The following KIF26B variants were observed in gnomAD, a reference collection of about 807,000 sequenced individuals.
KIF26B encodes the protein kinesin family member 26B.
A neutral mutation model predicts 151.2 loss-of-function variants in KIF26B; 63 were observed. The ratio of observed to expected loss-of-function variants is 0.42; its 90% CI spans 0.34 to 0.51. KIF26B has a LOEUF of 0.51. Ranked by LOEUF, KIF26B falls within the 20% of genes least tolerant of loss-of-function variation. The pLI, the probability that KIF26B is intolerant of heterozygous loss-of-function variation, is 0.07. For missense variants in KIF26B, 2,813 were observed against 2,913.6 expected (o/e 0.97, Z 0.79); for synonymous variants, 1,357 against 1,262.1 (o/e 1.08, Z -1.59).
chr1:245,636,882 G>GTA (rs1185481393), intron 9 of KIF26B, among the ~76,000 whole-genome samples: 1 of 151,262 alleles, frequency 6.6e-6, no homozygotes, highest in African/African-American at 2.4e-5. Context: ...GTGTGTGTGT[G>GTA]TATCTATCTC....
At position 245,166,384 on chromosome 1, in the gene KIF26B, G is replaced by A. The variant is rs1316792753; in HGVS notation, c.465+9701G>A. On this transcript the variant is annotated intron_variant, in intron 2 of 14. Coordinates refer to ENST00000407071, the MANE Select transcript of KIF26B (RefSeq NM_018012.4). The surrounding 1 kb of genome is among the most constrained non-coding windows in gnomAD (Gnocchi z 4.5). ...GTCTTTGTTTCTTCACCTCCAAGTG[G>A]ATAAAGCATCTCATTCTTATTTATT... Among the ~76,000 whole-genome samples the A allele has an allele frequency of 6.6e-6, 1 of 152,080 alleles. No homozygotes were observed. Among genetic ancestry groups the A allele is most frequent in the Non-Finnish European group, 1.5e-5 (1 of 68,032 alleles).
chr1:245,230,942 A>G lies in KIF26B; in HGVS notation c.465+74259A>G, dbSNP rs561325597. On this transcript the variant is annotated intron_variant, in intron 2 of 14. Transcript: ENST00000407071. ...CTCAAACAAAATGCTGGAAAATGTA[A>G]AATTAAAGATTATGACATGCCAGAA... Among the ~76,000 whole-genome samples the G allele has an allele frequency of 1.7e-3, 264 of 152,244 alleles. 2 individuals are homozygous for G. Among genetic ancestry groups the G allele is most frequent in the South Asian group, 0.015 (70 of 4,824 alleles).
chr1:245,532,579 CTG>C (rs1661398465), intron 4 of KIF26B, among the ~76,000 whole-genome samples: 1 of 152,088 alleles, frequency 6.6e-6, no homozygotes, highest in East Asian at 1.9e-4. Flanking sequence ...TTGGTTAACT[CTG>C]TGCATTAACA....
At position 245,367,016 on chromosome 1, in the gene KIF26B, C is replaced by A; in HGVS notation, c.648C>A (p.Ala216=). The part of the protein sequence containing the change: ...EQAAGSEHYD[A]SPCSPPPLSN... ...CAGCCGGCAGTGAGCACTACGACGC[C>A]TCGCCCTGCTCCCCGCCACCGCTCT... The change falls in exon 3 of 15, where the codon GCC becomes GCA. Residue 216 remains alanine (A), a synonymous_variant. Transcript: ENST00000407071. This position sits in a 1 kb window ranked among gnomAD's most constrained non-coding sequence, Gnocchi z 4.2. The A allele has an allele frequency of 6.2e-7, 1 of 1,611,772 alleles. No individual in the cohort carries two copies. The highest frequency in any genetic ancestry group is 8.5e-7 in the Non-Finnish European group (1 of 1,179,124).
chr1:245,539,796 G>GCT (rs1248629648), intron 4 of KIF26B, among the ~76,000 whole-genome samples: 1 of 152,110 alleles, frequency 6.6e-6, no homozygotes, highest in Non-Finnish European at 1.5e-5. Context: ...GGGATTACAG[G>GCT]CATGCACCAC....
In KIF26B at chr1:245,255,610, G is replaced by C. The variant is rs933226926; in HGVS notation, c.465+98927G>C. 2.0e-5 allele frequency among the ~76,000 whole-genome samples: 3 copies of C among 152,206 alleles called. No homozygotes were observed. In the East Asian group the frequency reaches 5.8e-4, roughly 29 times the overall value. On this transcript the variant is annotated intron_variant, in intron 2 of 14. Coordinates refer to ENST00000407071, the MANE Select transcript of KIF26B (RefSeq NM_018012.4). ...CACTGCCCACACATGAGCTGACCCA[G>C]TGGCTTCGTGCTGTAAAGGCAGATC...
intron 4 of KIF26B, among the ~76,000 whole-genome samples, chr1:245,480,225 G>A (rs951872738): frequency 1.3e-5 from 2 of 149,486 alleles, no homozygotes; most frequent in African/African-American, 2.5e-5. Context: ...GCTGCAGTGA[G>A]CCATGACCGT....
At chr1:245,574,044 A>C (rs2103124598) in intron 5 of KIF26B, among the ~76,000 whole-genome samples, 1 of 152,356 alleles carries the variant, frequency 6.6e-6, no homozygotes, top group Non-Finnish European at 1.5e-5. Context: ...TTGGAAAACA[A>C]AACCGTGGGT....
chr1:245,234,733 T>C (rs1558355955), intron 2 of KIF26B, among the ~76,000 whole-genome samples: 1 of 152,326 alleles, frequency 6.6e-6, no homozygotes, highest in East Asian at 1.9e-4. Flanking sequence ...CAGCAGGGCA[T>C]TTCCTTGGTT....
At chr1:245,429,223 A>G (rs1658719248) in intron 4 of KIF26B, among the ~76,000 whole-genome samples, 1 of 152,218 alleles carries the variant, frequency 6.6e-6, no homozygotes, top group South Asian at 2.1e-4. Flanking sequence ...AATCCTACAG[A>G]TAATGTGAAG....
intron 2 of KIF26B, among the ~76,000 whole-genome samples, chr1:245,220,107 C>T (rs866989301): frequency 2.0e-4 from 30 of 152,116 alleles, no homozygotes; most frequent in Admixed American, 5.9e-4. Flanking sequence ...CCTCTCTCTC[C>T]GCACCATGTT....
chr1:245,598,086 G>C (rs1000131238), intron 5 of KIF26B, among the ~76,000 whole-genome samples: 44 of 152,000 alleles, frequency 2.9e-4, no homozygotes, highest in Admixed American at 1.5e-3. Context: ...TGCTCCTTTA[G>C]TTCAGATAGA....
chr1:245,186,463 A>G (rs1332587808), intron 2 of KIF26B, among the ~76,000 whole-genome samples: 3 of 152,346 alleles, frequency 2.0e-5, no homozygotes, highest in Admixed American at 6.5e-5. Flanking sequence ...CTGGGATACA[A>G]TAAGCTCCCT....
chr1:245,456,149 T>G (rs1230879482), intron 4 of KIF26B, among the ~76,000 whole-genome samples: 1 of 152,224 alleles, frequency 6.6e-6, no homozygotes, highest in Non-Finnish European at 1.5e-5. Context: ...CAACATTTTC[T>G]TCACTAACCT....
chr1:245,168,882 A>G (rs1294068722), intron 2 of KIF26B, among the ~76,000 whole-genome samples: 1 of 152,126 alleles, frequency 6.6e-6, no homozygotes, highest in African/African-American at 2.4e-5. Context: ...GTTATCATCG[A>G]TTTTTATTTT....
intron 5 of KIF26B, among the ~76,000 whole-genome samples, chr1:245,571,801 C>T (rs1216824445): frequency 6.6e-6 from 1 of 152,196 alleles, no homozygotes. Context: ...AGTTCACGCC[C>T]TGTAAGGACA....
At chr1:245,578,088 C>T (rs987250814) in intron 5 of KIF26B, among the ~76,000 whole-genome samples, 19 of 152,258 alleles carry the variant, frequency 1.2e-4, no homozygotes, top group Admixed American at 6.5e-5. Context: ...CCCAGTCTCC[C>T]TGTCTACGAA....
At position 245,239,416 on chromosome 1, in the gene KIF26B, T is replaced by C. The variant is rs538320793; in HGVS notation, c.465+82733T>C. 3.9e-5 allele frequency among the ~76,000 whole-genome samples: 6 copies of C among 152,352 alleles called. No individual in the cohort carries two copies. In the East Asian group the frequency reaches 1.2e-3, roughly 29 times the overall value. On this transcript the variant is annotated intron_variant, in intron 2 of 14. Coordinates refer to ENST00000407071, the MANE Select transcript of KIF26B (RefSeq NM_018012.4). The surrounding 1 kb of genome is among the most constrained non-coding windows in gnomAD (Gnocchi z 4.3). Reference sequence around the variant, plus strand: ...AATTCTTTCTTTGCATCAATTTTTATCAAAAACTTAATGCCATTAATAGGT... The same window carrying C: ...AATTCTTTCTTTGCATCAATTTTTACCAAAAACTTAATGCCATTAATAGGT...
At chr1:245,178,972 G>GT (rs59250555) in intron 2 of KIF26B, among the ~76,000 whole-genome samples, 117,324 of 149,452 alleles carry the variant, frequency 0.79, 47,098 homozygotes, top group Admixed American at 0.88. Context: ...TCTTAACCAT[G>GT]TTTTTTTTTT....
Sources: gnomAD v4.1 joint callset for allele counts (sites outside exome capture counted in the v4.1 genomes callset) on GRCh38, gnomAD v4.1.1 for gene constraint, Gnocchi (gnomAD v3.1) non-coding constraint, MANE v1.5 for transcripts, NCBI Gene and HGNC (gene_info 2026-07-23, HGNC 2026-07-21) for gene names.